Variants in VSNL1 observed in about 807,000 individuals in gnomAD.
The protein encoded by VSNL1 is visinin like 1, also known as visinin-like protein 1.
Under a neutral mutation model 20.4 loss-of-function variants are expected in VSNL1, and 6 were observed. The ratio of observed to expected loss-of-function variants is 0.29; its 90% CI spans 0.16 to 0.58. The LOEUF (loss-of-function observed/expected upper bound fraction) is 0.58. Ranked by LOEUF, VSNL1 falls within the 20% of genes least tolerant of loss-of-function variation. VSNL1 has a pLI of 0.90. For missense variants in VSNL1, 100 were observed against 234.5 expected (o/e 0.43, Z 3.75); for synonymous variants, 93 against 86.4 (o/e 1.08, Z -0.42).
intron 2 of VSNL1, among the ~76,000 whole-genome samples, chr2:17,646,402 AG>A (rs1395128823): frequency 1.3e-5 from 2 of 152,228 alleles, no homozygotes; most frequent in East Asian, 3.8e-4. Flanking sequence ...ATAAATCTCA[AG>A]GTGTGGCAGA....
Position 17,592,100 on chromosome 2 carries a change from C to G in VSNL1, c.26C>G (p.Ala9Gly). Residue 9 changes from alanine to glycine, a missense_variant, in exon 2 of 4, where the codon GCC becomes GGC. Transcript: ENST00000295156. MGKQNSKL[A>G]PEVMEDLVKS... Reference sequence around the variant, plus strand: ...ATGGGGAAGCAGAATAGCAAACTGGCCCCTGAAGTGATGGAGGACCTGGTG... The same window carrying G: ...ATGGGGAAGCAGAATAGCAAACTGGGCCCTGAAGTGATGGAGGACCTGGTG... 1.2e-6 allele frequency: 2 copies of G among 1,613,764 alleles called. No homozygotes were observed. Among genetic ancestry groups the G allele is most frequent in the South Asian group, 1.1e-5 (1 of 91,072 alleles).
chr2:17,649,356 T>TC lies in VSNL1; in HGVS notation c.163-53dup. Reference sequence around the variant, plus strand: ...ATGCCGTCATTAGGAACCTACCTCGTCGCCCCGATTCCATCCCCTCCCGAC... The same window carrying TC: ...ATGCCGTCATTAGGAACCTACCTCGTCCGCCCCGATTCCATCCCCTCCCGAC... On this transcript the variant is annotated intron_variant, in intron 2 of 3. Coordinates refer to ENST00000295156, the MANE Select transcript of VSNL1 (RefSeq NM_003385.5). This position sits in a 1 kb window ranked among gnomAD's most constrained non-coding sequence, Gnocchi z 6.4. 1 of 1,562,368 alleles carries TC rather than the reference T, an allele frequency of 6.4e-7. No individual in the cohort carries two copies. Among genetic ancestry groups the TC allele is most frequent in the South Asian group, 1.1e-5 (1 of 89,800 alleles).
At chr2:17,582,362 A>G (rs561186054) in intron 1 of VSNL1, among the ~76,000 whole-genome samples, 1 of 152,268 alleles carries the variant, frequency 6.6e-6, no homozygotes, top group South Asian at 2.1e-4. Flanking sequence ...GGGCAGTGAC[A>G]TGATTGGGTT....
At chr2:17,621,056 G>A (rs1665343244) in intron 2 of VSNL1, among the ~76,000 whole-genome samples, 1 of 152,196 alleles carries the variant, frequency 6.6e-6, no homozygotes, top group African/African-American at 2.4e-5. Context: ...GGTGAGTCAT[G>A]AGCAGTATGG....
chr2:17,583,425 C>T (rs922898155), intron 1 of VSNL1, among the ~76,000 whole-genome samples: 30 of 152,358 alleles, frequency 2.0e-4, no homozygotes, highest in African/African-American at 6.5e-4. Flanking sequence ...TTAATGAAAG[C>T]ATTTCCTCTG....
chr2:17,542,483 T>A (rs188918969), intron 1 of VSNL1, among the ~76,000 whole-genome samples: 1 of 152,332 alleles, frequency 6.6e-6, no homozygotes, highest in Non-Finnish European at 1.5e-5. Flanking sequence ...TCTTTGGCCC[T>A]TTGATCAGTC....
At chr2:17,554,242 A>T (rs531430614) in intron 1 of VSNL1, among the ~76,000 whole-genome samples, 83 of 152,310 alleles carry the variant, frequency 5.4e-4, no homozygotes, top group South Asian at 1.9e-3. Flanking sequence ...ATAAGTTTAT[A>T]CATCTGTAAA....
At chr2:17,606,600 A>G (rs995611814) in intron 2 of VSNL1, among the ~76,000 whole-genome samples, 3 of 152,062 alleles carry the variant, frequency 2.0e-5, no homozygotes, top group African/African-American at 7.2e-5. Flanking sequence ...AGGAATTACA[A>G]CTTCCCTCTC....
chr2:17,616,193 T>G (rs111697098), intron 2 of VSNL1, among the ~76,000 whole-genome samples: 215 of 152,340 alleles, frequency 1.4e-3, no homozygotes, highest in African/African-American at 5.0e-3. Flanking sequence ...CCTCCAGCCT[T>G]GTACTCAAGC....
chr2:17,559,962 A>C (rs988942440), intron 1 of VSNL1, among the ~76,000 whole-genome samples: 17 of 152,086 alleles, frequency 1.1e-4, no homozygotes, highest in Non-Finnish European at 2.5e-4. Flanking sequence ...AAAATTAGTA[A>C]AAACTGGATA....
intron 1 of VSNL1, among the ~76,000 whole-genome samples, chr2:17,561,444 G>C (rs1663812391): frequency 6.6e-6 from 1 of 152,144 alleles, no homozygotes; most frequent in South Asian, 2.1e-4. Context: ...CTAGATACTA[G>C]GATGAGGCTG....
intron 2 of VSNL1, among the ~76,000 whole-genome samples, chr2:17,646,588 AC>A (rs1384985882): frequency 6.6e-6 from 1 of 152,220 alleles, no homozygotes; most frequent in Non-Finnish European, 1.5e-5. Flanking sequence ...ATACACACAC[AC>A]ATATACATAT....
intron 2 of VSNL1, among the ~76,000 whole-genome samples, chr2:17,645,815 C>T (rs553416134): frequency 6.6e-6 from 1 of 150,864 alleles, no homozygotes; most frequent in Admixed American, 6.6e-5. Context: ...GCAGGTTGTT[C>T]GGTTCAGGGA....
intron 2 of VSNL1, among the ~76,000 whole-genome samples, chr2:17,622,653 T>G (rs1218882496): frequency 6.6e-6 from 1 of 152,122 alleles, no homozygotes; most frequent in African/African-American, 2.4e-5. Flanking sequence ...CACTTTCTCC[T>G]TAGCTCAGCT....
chr2:17,654,162 A>G (rs1440566603), intron 3 of VSNL1, among the ~76,000 whole-genome samples: 1 of 152,240 alleles, frequency 6.6e-6, no homozygotes, highest in Non-Finnish European at 1.5e-5. Context: ...ACTGCTATGA[A>G]TGTTCTCATG....
intron 2 of VSNL1, among the ~76,000 whole-genome samples, chr2:17,628,317 T>C (rs1665555872): frequency 6.6e-6 from 1 of 152,212 alleles, no homozygotes; most frequent in Non-Finnish European, 1.5e-5. Flanking sequence ...TGTGAAGAAT[T>C]TGAATAAAAA....
chr2:17,641,240 G>A (rs560374218), intron 2 of VSNL1, among the ~76,000 whole-genome samples: 1 of 152,330 alleles, frequency 6.6e-6, no homozygotes, highest in African/African-American at 2.4e-5. Context: ...TGTGAAATCT[G>A]CTGTTCTACC....
At chr2:17,548,096 A>G (rs542248797) in intron 1 of VSNL1, among the ~76,000 whole-genome samples, 71 of 152,086 alleles carry the variant, frequency 4.7e-4, no homozygotes, top group Non-Finnish European at 9.1e-4. Context: ...AGAGTCTCCT[A>G]TGAGCTACTC....
At chr2:17,654,697 A>C (rs1395892168) in intron 3 of VSNL1, among the ~76,000 whole-genome samples, 1 of 152,198 alleles carries the variant, frequency 6.6e-6, no homozygotes, top group Admixed American at 6.5e-5. Context: ...ATTCAATAGC[A>C]TTTAAGGACT....
Sources: allele counts gnomAD v4.1 joint callset (sites outside exome capture counted in the v4.1 genomes callset), GRCh38; gene constraint gnomAD v4.1.1; non-coding constraint Gnocchi (gnomAD v3.1); transcripts MANE v1.5; gene names NCBI Gene and HGNC (gene_info 2026-07-23, HGNC 2026-07-21).